The following CACNA1I variants were observed in gnomAD, a reference collection of about 807,000 sequenced individuals.
The protein encoded by CACNA1I is voltage-dependent T-type calcium channel subunit alpha-1I.
A neutral mutation model predicts 201.6 loss-of-function variants in CACNA1I; 74 were observed. The observed-to-expected ratio is 0.37, with a 90% CI of 0.30 to 0.45. The LOEUF is 0.45. Among genes scored for constraint, CACNA1I ranks in the 20% least tolerant of loss-of-function variants. The pLI is 1.00. For synonymous variants in CACNA1I, 1,431 were observed against 1,345.2 expected (o/e 1.06, Z -1.40); for missense variants, 2,346 against 3,138.1 (o/e 0.75, Z 6.03).
chr22:39,679,391 C>A lies in CACNA1I; in HGVS notation c.5340C>A (p.Gly1780=), dbSNP rs930862683. 3 of 1,487,252 alleles carry A rather than the reference C, an allele frequency of 2.0e-6. No individual in the cohort carries two copies. The highest frequency in any genetic ancestry group is 2.6e-5 in the South Asian group (2 of 75,626). The allele number at this position is 1,487,252 out of a possible 1,614,324, so 92.1% of individuals were successfully genotyped here. A position where few individuals can be genotyped will look rare whatever the true frequency, so the allele number is the denominator to read the frequency against. Residue 1780 remains glycine, a synonymous_variant, in exon 32 of 37, where the codon GGC becomes GGA. Coordinates refer to ENST00000402142, the MANE Select transcript of CACNA1I (RefSeq NM_021096.4). Reference sequence around the variant, plus strand: ...CTGGCCGAGGGCCGGGAGGGGCGGGCGGCGGGGGCGACACCGAGGGCGGCT... The same window carrying A: ...CTGGCCGAGGGCCGGGAGGGGCGGGAGGCGGGGGCGACACCGAGGGCGGCT... ...GAPGRGPGGA[G]GGGDTEGGLC... is the part of the protein sequence containing the mutation.
At chr22:39,653,660 C>A (rs1027876624) in intron 10 of CACNA1I, among the ~76,000 whole-genome samples, 1 of 152,134 alleles carries the variant, frequency 6.6e-6, no homozygotes, top group African/African-American at 2.4e-5. Context: ...GGGCAGGAGG[C>A]GAGGGTGTGA....
At chr22:39,586,958 A>G (rs1932760516) in intron 1 of CACNA1I, among the ~76,000 whole-genome samples, 1 of 152,114 alleles carries the variant, frequency 6.6e-6, no homozygotes. Flanking sequence ...CCGAGGCTGG[A>G]TCAGCCCACA....
chr22:39,595,066 G>A (rs1482930349), intron 1 of CACNA1I, among the ~76,000 whole-genome samples: 2 of 152,100 alleles, frequency 1.3e-5, no homozygotes, highest in African/African-American at 2.4e-5. Flanking sequence ...GAGGCAGGCG[G>A]ATCACAAAGT....
At chr22:39,577,097 A>G (rs1257914933) in intron 1 of CACNA1I, among the ~76,000 whole-genome samples, 1 of 151,486 alleles carries the variant, frequency 6.6e-6, no homozygotes, top group Non-Finnish European at 1.5e-5. Flanking sequence ...GATTACAGGC[A>G]CTCACCACCA....
intron 4 of CACNA1I, among the ~76,000 whole-genome samples, chr22:39,620,368 C>G (rs932026590): frequency 6.6e-6 from 1 of 152,010 alleles, no homozygotes; most frequent in African/African-American, 2.4e-5. Flanking sequence ...TCCACCTGTC[C>G]ATCCACTCAT....
chr22:39,689,034 T>A lies in CACNA1I; in HGVS notation c.*2629T>A, dbSNP rs1935961816. On this transcript the variant is annotated 3_prime_UTR_variant, in exon 37 of 37. Coordinates refer to ENST00000402142, the MANE Select transcript of CACNA1I (RefSeq NM_021096.4). ...CAGGACAAGTCAACATGGGTGAGGG[T>A]TGGGCAAAGGGCCCTTCCTTCCTCC... 6.5e-6 allele frequency: 1 copy of A among 152,702 alleles called. No individual in the cohort carries two copies. Among genetic ancestry groups the A allele is most frequent in the African/African-American group, 2.4e-5 (1 of 41,446 alleles). 9.5% of individuals were successfully genotyped at this position (152,702 alleles called of 1,614,324 possible).
At chr22:39,588,881 C>G (rs1430049043) in intron 1 of CACNA1I, among the ~76,000 whole-genome samples, 1 of 152,212 alleles carries the variant, frequency 6.6e-6, no homozygotes, top group Non-Finnish European at 1.5e-5. Context: ...GTTGTTTGCT[C>G]TGCTGCGTCT....
chr22:39,618,437 G>A (rs868164310), intron 3 of CACNA1I, among the ~76,000 whole-genome samples: 4 of 152,062 alleles, frequency 2.6e-5, no homozygotes, highest in South Asian at 2.1e-4. Flanking sequence ...GTGTATGCAG[G>A]TGTGTGACTG....
intron 24 of CACNA1I, 21 bp downstream of exon 24, chr22:39,668,402 G>T: frequency 6.5e-7 from 1 of 1,529,316 alleles, no homozygotes; most frequent in Non-Finnish European, 9.1e-7. Flanking sequence ...CTGGGACCAG[G>T]CCAAGCCTTG....
intron 4 of CACNA1I, among the ~76,000 whole-genome samples, chr22:39,621,098 C>T (rs1273976045): frequency 6.6e-6 from 1 of 152,184 alleles, no homozygotes; most frequent in African/African-American, 2.4e-5. Context: ...TCCTATGGTC[C>T]AGGAACTTGA....
At position 39,600,546 on chromosome 22, in the gene CACNA1I, C is replaced by T. The variant is rs577831334; in HGVS notation, c.375C>T (p.Phe125=). The T allele has an allele frequency of 4.3e-6, 7 of 1,612,396 alleles. No individual in the cohort carries two copies. In the African/African-American group the frequency reaches 9.3e-5, roughly 22 times the overall value. ...LQVFDDFIFI[F]FAMEMVLKMV... is the part of the protein sequence containing the mutation. ...TCTTTGATGACTTCATCTTTATCTT[C>T]TTTGCCATGGAGATGGTGCTCAAGA... The change falls in exon 3 of 37, where the codon TTC becomes TTT. Residue 125 remains phenylalanine (F), a synonymous_variant. Coordinates refer to ENST00000402142, the MANE Select transcript of CACNA1I (RefSeq NM_021096.4).
chr22:39,573,840 C>G (rs1013314929), intron 1 of CACNA1I, among the ~76,000 whole-genome samples: 1 of 152,096 alleles, frequency 6.6e-6, no homozygotes, highest in African/African-American at 2.4e-5. Flanking sequence ...GTACTGGTTT[C>G]GGGAGGAGCT....
intron 4 of CACNA1I, among the ~76,000 whole-genome samples, chr22:39,634,305 C>G (rs572895247): frequency 6.6e-6 from 1 of 152,204 alleles, no homozygotes; most frequent in Non-Finnish European, 1.5e-5. Context: ...ATAAAAGGTG[C>G]TGCATAAATG....
At position 39,685,643 on chromosome 22, in the gene CACNA1I, C is replaced by T. The variant is rs984022138; in HGVS notation, c.6028-118C>T. On this transcript the variant is annotated intron_variant, in intron 36 of 36. Transcript: ENST00000402142. This position sits in a 1 kb window ranked among gnomAD's most constrained non-coding sequence, Gnocchi z 5.0. Reference sequence around the variant, plus strand: ...CGTGCGGAGGGGAGAAGCCCTGCTCCGAAGGGAGCTCCTTGGATGGGGTCT... The same window carrying T: ...CGTGCGGAGGGGAGAAGCCCTGCTCTGAAGGGAGCTCCTTGGATGGGGTCT... 52 of 880,132 alleles carry T rather than the reference C, an allele frequency of 5.9e-5. 2 individuals are homozygous for T. In the Admixed American group the frequency reaches 1.0e-3, roughly 17 times the overall value. The allele number at this position is 880,132 out of a possible 1,614,324, so 54.5% of individuals were successfully genotyped here. A position where few individuals can be genotyped will look rare whatever the true frequency, so the allele number is the denominator to read the frequency against.
At chr22:39,638,852 T>A (rs1255736278) in intron 5 of CACNA1I, among the ~76,000 whole-genome samples, 1 of 152,320 alleles carries the variant, frequency 6.6e-6, no homozygotes, top group East Asian at 1.9e-4. Context: ...CATCAGGCAA[T>A]AGATTCTCAT....
At chr22:39,670,001 C>T in intron 24 of CACNA1I, 37 bp from the exon 25 acceptor site, 1 of 1,610,560 alleles carries the variant, frequency 6.2e-7, no homozygotes, top group Non-Finnish European at 8.5e-7. Flanking sequence ...CTGTAGGGCC[C>T]AATCAGCCTC....
chr22:39,601,403 A>T (rs2145829257), intron 3 of CACNA1I, among the ~76,000 whole-genome samples: 1 of 152,328 alleles, frequency 6.6e-6, no homozygotes, highest in South Asian at 2.1e-4. Context: ...TGCTGAGAGC[A>T]TTTAACACAG....
chr22:39,678,716 G>GTTT (rs1935589710), intron 31 of CACNA1I, among the ~76,000 whole-genome samples: 1 of 152,172 alleles, frequency 6.6e-6, no homozygotes, highest in African/African-American at 2.4e-5. Context: ...TTTGTGGTTG[G>GTTT]GGGTTGAGCT....
rs1175778710 is a variant in CACNA1I, at chr22:39,685,097, T to A, written c.6027+599T>A. The stretch of plus-strand genomic sequence containing the variant: ...ATTCACTGGGTGACTGTCTGACCCG[T>A]CACACCAGGCTGTGTGCTCTGGCGG... On this transcript the variant is annotated intron_variant, in intron 36 of 36. Coordinates refer to ENST00000402142, the MANE Select transcript of CACNA1I (RefSeq NM_021096.4). The surrounding 1 kb of genome is among the most constrained non-coding windows in gnomAD (Gnocchi z 5.0). 4.1e-5 allele frequency: 7 copies of A among 171,330 alleles called. No homozygotes were observed. In the East Asian group the frequency reaches 1.2e-3, roughly 30 times the overall value. 10.6% of individuals were successfully genotyped at this position (171,330 alleles called of 1,614,324 possible).
Sources: gnomAD v4.1 joint callset for allele counts (sites outside exome capture counted in the v4.1 genomes callset) on GRCh38, gnomAD v4.1.1 for gene constraint, Gnocchi (gnomAD v3.1) non-coding constraint, MANE v1.5 for transcripts, NCBI Gene and HGNC (gene_info 2026-07-23, HGNC 2026-07-21) for gene names.